Variants in RASA3 observed in about 807,000 individuals in gnomAD.
RASA3 encodes RAS p21 protein activator 3, also known as ras GTPase-activating protein 3.
In RASA3, 73 loss-of-function variants were observed where a neutral mutation model predicts 110.0. The ratio of observed to expected loss-of-function variants is 0.66; its 90% CI spans 0.55 to 0.81. RASA3 has a LOEUF of 0.81. Ranked by LOEUF, RASA3 falls within the 30% of genes least tolerant of loss-of-function variation. The pLI is 0.00. For missense variants in RASA3, 976 were observed against 1,113.2 expected (o/e 0.88, Z 1.75); for synonymous variants, 500 against 451.4 (o/e 1.11, Z -1.37).
rs2079438635 is a variant in RASA3 at position 114,065,820 on chromosome 13, CTGGGTTGCAGCCTCCTG to C, written c.173+7883_173+7899del. On this transcript the variant is annotated intron_variant, in intron 2 of 23. Transcript: ENST00000334062. The surrounding 1 kb of genome is among the most constrained non-coding windows in gnomAD (Gnocchi z 4.1). ...GGTCTCAGCGGAAGCCCCACACACA[CTGGGTTGCAGCCTCCTG>C]TGGTTCAAGATGGGTGGGGTTATTT... 6.6e-6 allele frequency among the ~76,000 whole-genome samples: 1 copy of C among 152,248 alleles called. No homozygotes were observed. Among genetic ancestry groups the C allele is most frequent in the Admixed American group, 6.5e-5 (1 of 15,288 alleles).
At chr13:114,015,126 C>CG (rs1164485769) in intron 14 of RASA3, 83 bp downstream of exon 14, 8 of 1,557,466 alleles carry the variant, frequency 5.1e-6, no homozygotes, top group Non-Finnish European at 5.3e-6. Context: ...GCCAGGGCTG[C>CG]GGGGGGTTCT....
In RASA3 at chr13:114,096,091, C is replaced by A. The variant is rs1437814386; in HGVS notation, c.56-22254G>T. On this transcript the variant is annotated intron_variant, in intron 1 of 23. Coordinates refer to ENST00000334062, the MANE Select transcript of RASA3 (RefSeq NM_007368.4). This position sits in a 1 kb window ranked among gnomAD's most constrained non-coding sequence, Gnocchi z 5.1. ...CCGGGAGGGGGTGCTCTCCAGGTGG[C>A]CCTGGCGGCATCGGTGTGCTGGGAA... Among the ~76,000 whole-genome samples, 1 of 152,104 alleles carries A rather than the reference C, an allele frequency of 6.6e-6. No individual in the cohort carries two copies. The highest frequency in any genetic ancestry group is 6.5e-5 in the Admixed American group (1 of 15,282).
In RASA3 at chr13:114,112,845, T is replaced by A. The variant is rs2080236364; in HGVS notation, c.55+19590A>T. On this transcript the variant is annotated intron_variant, in intron 1 of 23. Transcript: ENST00000334062. This position sits in a 1 kb window ranked among gnomAD's most constrained non-coding sequence, Gnocchi z 4.8. ...TCAGCTCAAAGGGTTTCCAAGAGAA[T>A]CCTCAGCAAAAAAGCAACACTCGCC... Among the ~76,000 whole-genome samples the A allele has an allele frequency of 6.6e-6, 1 of 151,940 alleles. No individual in the cohort carries two copies. Among genetic ancestry groups the A allele is most frequent in the Non-Finnish European group, 1.5e-5 (1 of 67,986 alleles).
intron 18 of RASA3, among the ~76,000 whole-genome samples, chr13:114,001,914 C>T (rs1029297661): frequency 1.3e-4 from 20 of 152,390 alleles, no homozygotes; most frequent in African/African-American, 4.1e-4. Flanking sequence ...CACTGGGCCA[C>T]GTCCTCAGGA....
chr13:114,100,158 G>A (rs982712219), intron 1 of RASA3, among the ~76,000 whole-genome samples: 16 of 151,492 alleles, frequency 1.1e-4, no homozygotes, highest in South Asian at 6.3e-4. Flanking sequence ...GGAAGACGCC[G>A]AATGGTAAAT....
chr13:114,069,959 A>G (rs555368581), intron 2 of RASA3, among the ~76,000 whole-genome samples: 4 of 34,722 alleles, frequency 1.2e-4, no homozygotes, highest in Admixed American at 3.8e-4. Flanking sequence ...TGGGAGACTC[A>G]GGGAGCCGGG....
chr13:114,126,443 C>G (rs1375053148), intron 1 of RASA3, among the ~76,000 whole-genome samples: 3 of 152,072 alleles, frequency 2.0e-5, no homozygotes, highest in Non-Finnish European at 4.4e-5. Context: ...TCTTCAGGGG[C>G]AAGTTCAAAG....
At chr13:114,109,181 G>A (rs1198614006) in intron 1 of RASA3, among the ~76,000 whole-genome samples, 1 of 152,202 alleles carries the variant, frequency 6.6e-6, no homozygotes, top group African/African-American at 2.4e-5. Context: ...CTCCGTGACC[G>A]TCACAGGACG....
chr13:114,013,133 G>T lies in RASA3; in HGVS notation c.1512+9C>A. 6.2e-7 allele frequency: 1 copy of T among 1,609,514 alleles called. No individual in the cohort carries two copies. Among genetic ancestry groups the T allele is most frequent in the Non-Finnish European group, 8.5e-7 (1 of 1,178,088 alleles). The stretch of plus-strand genomic sequence containing the variant: ...TCAGAAAGCCTCGGTCCCTCAGCCG[G>T]TCACTCACCGTGTGGTGCGGCGTGA... On this transcript the variant is annotated intron_variant, in intron 15 of 23. Coordinates refer to ENST00000334062, the MANE Select transcript of RASA3 (RefSeq NM_007368.4).
At position 114,039,312 on chromosome 13, in the gene RASA3, C is replaced by T. The variant is rs1206753559; in HGVS notation, c.372+1688G>A. ...CGGTCCCAGCTGAGGACCCAGGAAG[C>T]CCTCCTGTGTCCCAGGGACGCTGTG... On this transcript the variant is annotated intron_variant, in intron 4 of 23. Coordinates refer to ENST00000334062, the MANE Select transcript of RASA3 (RefSeq NM_007368.4). Among the ~76,000 whole-genome samples, 3 of 145,494 alleles carry T rather than the reference C, an allele frequency of 2.1e-5. No individual in the cohort carries two copies. In the East Asian group the frequency reaches 5.8e-4, roughly 28 times the overall value.
At chr13:114,045,034 C>T (rs2079030746) in intron 3 of RASA3, among the ~76,000 whole-genome samples, 1 of 152,226 alleles carries the variant, frequency 6.6e-6, no homozygotes. Flanking sequence ...GAGAAGGGAT[C>T]CCTGCCCCTG....
At chr13:114,038,491 T>A (rs183737026) in intron 4 of RASA3, among the ~76,000 whole-genome samples, 17 of 152,326 alleles carry the variant, frequency 1.1e-4, no homozygotes, top group African/African-American at 4.1e-4. Flanking sequence ...GACGCACAAT[T>A]AGCACAGGTC....
At position 114,096,626 on chromosome 13, in the gene RASA3, CCCATT is replaced by C. The variant is rs1158841233; in HGVS notation, c.56-22794_56-22790del. Among the ~76,000 whole-genome samples the C allele has an allele frequency of 1.3e-5, 2 of 152,152 alleles. No homozygotes were observed. Among genetic ancestry groups the C allele is most frequent in the South Asian group, 2.1e-4 (1 of 4,828 alleles). On this transcript the variant is annotated intron_variant, in intron 1 of 23. Transcript: ENST00000334062. The surrounding 1 kb of genome is among the most constrained non-coding windows in gnomAD (Gnocchi z 5.1). Reference sequence around the variant, plus strand: ...CAACTGCTCCTTTCCAGCCAAATGACCCATTTCCCAAACGCCTTCCCTTTCCATTC... The same window carrying C: ...CAACTGCTCCTTTCCAGCCAAATGACTCCCAAACGCCTTCCCTTTCCATTC...
intron 1 of RASA3, among the ~76,000 whole-genome samples, chr13:114,117,231 ATGTGTG>A: frequency 1.1e-5 from 1 of 90,172 alleles, no homozygotes; most frequent in African/African-American, 3.6e-5. Flanking sequence ...TGAGGGGTGC[ATGTGTG>A]TGAGGGGTGC....
intron 9 of RASA3, among the ~76,000 whole-genome samples, chr13:114,020,382 G>C (rs1438067222): frequency 6.6e-6 from 1 of 152,208 alleles, no homozygotes; most frequent in African/African-American, 2.4e-5. Flanking sequence ...GTATGTGGTG[G>C]CTGCCTTGGC....
chr13:114,104,639 C>T (rs1763656574), intron 1 of RASA3, among the ~76,000 whole-genome samples: 1 of 152,196 alleles, frequency 6.6e-6, no homozygotes, highest in Non-Finnish European at 1.5e-5. Context: ...AGCCAAAAGC[C>T]TGAACCGCAC....
rs566760194 is a variant in RASA3, at chr13:114,013,614, C to G, written c.1406-366G>C. The stretch of plus-strand genomic sequence containing the variant: ...TCTCTCCGTCTCTGGCTCTCTCCCC[C>G]CCTCCATCTGTCTCTCTCTCTCTCC... On this transcript the variant is annotated intron_variant, in intron 14 of 23. Coordinates refer to ENST00000334062, the MANE Select transcript of RASA3 (RefSeq NM_007368.4). Among the ~76,000 whole-genome samples, 6 of 102,870 alleles carry G rather than the reference C, an allele frequency of 5.8e-5. No homozygotes were observed. In the South Asian group the frequency reaches 1.2e-3, roughly 21 times the overall value. The allele number at this position is 102,870 out of a possible 152,430, so 67.5% of individuals were successfully genotyped here. A position where few individuals can be genotyped will look rare whatever the true frequency, so the allele number is the denominator to read the frequency against.
chr13:114,054,817 C>G (rs1178172786), intron 2 of RASA3, among the ~76,000 whole-genome samples: 1 of 152,270 alleles, frequency 6.6e-6, no homozygotes, highest in Non-Finnish European at 1.5e-5. Context: ...ATTAGAAAGT[C>G]ACGTTTCCTT....
At chr13:114,075,676 A>T (rs11842032) in intron 1 of RASA3, among the ~76,000 whole-genome samples, 4 of 25,724 alleles carry the variant, frequency 1.6e-4, no homozygotes, top group East Asian at 2.4e-3. Flanking sequence ...CCGTGTCCGC[A>T]CCGCGTATCT....
Sources: allele counts gnomAD v4.1 joint callset (sites outside exome capture counted in the v4.1 genomes callset), GRCh38; gene constraint gnomAD v4.1.1; non-coding constraint Gnocchi (gnomAD v3.1); transcripts MANE v1.5; gene names NCBI Gene and HGNC (gene_info 2026-07-23, HGNC 2026-07-21).